CALN1: variants seen among roughly 807,000 people sequenced by gnomAD.
The protein encoded by CALN1 is calneuron 1.
Under a neutral mutation model 30.6 loss-of-function variants are expected in CALN1, and 17 were observed. That is an observed-to-expected ratio of 0.56 (90% CI 0.38 to 0.83). The LOEUF (loss-of-function observed/expected upper bound fraction) is 0.83, where lower values mean the gene tolerates loss of function less well. Ranked by LOEUF, CALN1 falls within the 40% of genes least tolerant of loss-of-function variation. CALN1 has a pLI of 0.00. For missense variants in CALN1, 291 were observed against 354.9 expected (o/e 0.82, Z 1.45); for synonymous variants, 156 against 131.4 (o/e 1.19, Z -1.28).
intron 5 of CALN1, among the ~76,000 whole-genome samples, chr7:71,897,824 CAG>C (rs1453615148): frequency 6.6e-6 from 1 of 150,950 alleles, no homozygotes; most frequent in Non-Finnish European, 1.5e-5. Flanking sequence ...CAGCAGAGAA[CAG>C]AAACAGACTT....
intron 3 of CALN1, among the ~76,000 whole-genome samples, chr7:72,179,937 T>C (rs531785353): frequency 6.6e-6 from 1 of 152,350 alleles, no homozygotes; most frequent in East Asian, 1.9e-4. Context: ...ATATCTCATC[T>C]GATAGTCATC....
intron 3 of CALN1, among the ~76,000 whole-genome samples, chr7:72,158,543 T>TGG (rs2129544673): frequency 6.6e-6 from 1 of 152,292 alleles, no homozygotes; most frequent in Non-Finnish European, 1.5e-5. Flanking sequence ...AGCTACAGTG[T>TGG]GGAGAAGTGA....
chr7:72,059,730 T>C (rs1017701845), intron 4 of CALN1, among the ~76,000 whole-genome samples: 11 of 152,136 alleles, frequency 7.2e-5, no homozygotes, highest in Non-Finnish European at 5.9e-5. Flanking sequence ...CCAGTCCTCC[T>C]GTAATTTCCC....
chr7:72,113,254 T>G (rs1807704427), intron 3 of CALN1, among the ~76,000 whole-genome samples: 1 of 152,136 alleles, frequency 6.6e-6, no homozygotes, highest in African/African-American at 2.4e-5. Flanking sequence ...AATTAGTTCC[T>G]GCAAGAGTTG....
intron 5 of CALN1, among the ~76,000 whole-genome samples, chr7:72,019,002 A>T (rs1217466355): frequency 3.9e-5 from 5 of 129,022 alleles, no homozygotes; most frequent in Non-Finnish European, 7.6e-5. Context: ...ATATCCAGCT[A>T]ATTTTTTTTT....
At chr7:72,363,634 TG>T (rs1454463298) in intron 2 of CALN1, among the ~76,000 whole-genome samples, 2 of 151,726 alleles carry the variant, frequency 1.3e-5, no homozygotes, top group African/African-American at 2.4e-5. Context: ...ATGTTGAAAG[TG>T]AAAGTACTGA....
chr7:72,197,178 C>CTT (rs386410439), intron 3 of CALN1, among the ~76,000 whole-genome samples: 2,436 of 64,290 alleles, frequency 0.038, 386 homozygotes, highest in Middle Eastern at 0.08. Flanking sequence ...GGAAGGTTTG[C>CTT]TTTTTTTTTT....
chr7:71,970,737 G>A (rs1391666936), intron 5 of CALN1, among the ~76,000 whole-genome samples: 4 of 152,162 alleles, frequency 2.6e-5, no homozygotes, highest in African/African-American at 9.7e-5. Flanking sequence ...TCAATAAGGA[G>A]CAGAGAAGGG....
chr7:72,017,672 G>T (rs565981227), intron 5 of CALN1, among the ~76,000 whole-genome samples: 1 of 152,204 alleles, frequency 6.6e-6, no homozygotes, highest in South Asian at 2.1e-4. Flanking sequence ...ATTCCAACAC[G>T]ACCAGCACCA....
intron 3 of CALN1, among the ~76,000 whole-genome samples, chr7:72,210,607 G>C (rs1038813648): frequency 2.0e-4 from 31 of 152,206 alleles, no homozygotes; most frequent in Admixed American, 1.4e-3. Flanking sequence ...GTAGGAAAAA[G>C]ACTGAACTCA....
chr7:72,148,592 T>C (rs1019203172), intron 3 of CALN1, among the ~76,000 whole-genome samples: 1 of 151,446 alleles, frequency 6.6e-6, no homozygotes, highest in Non-Finnish European at 1.5e-5. Flanking sequence ...GGTGACAATG[T>C]GAGGACCTGT....
At chr7:72,186,253 C>G (rs1264793716) in intron 3 of CALN1, among the ~76,000 whole-genome samples, 1 of 152,016 alleles carries the variant, frequency 6.6e-6, no homozygotes, top group South Asian at 2.1e-4. Context: ...TTATTTTAAG[C>G]CGCTCAAATG....
intron 4 of CALN1, among the ~76,000 whole-genome samples, chr7:72,050,875 C>T (rs1003940391): frequency 1.3e-5 from 2 of 151,884 alleles, no homozygotes; most frequent in Admixed American, 6.6e-5. Flanking sequence ...TGGTATAATC[C>T]CAGCTACTTG....
At chr7:72,004,526 C>T (rs577816344) in intron 5 of CALN1, among the ~76,000 whole-genome samples, 1 of 152,088 alleles carries the variant, frequency 6.6e-6, no homozygotes, top group Admixed American at 6.6e-5. Flanking sequence ...TGGGAAAAAT[C>T]GAAAAGCTAG....
the CALN1 span, among the ~76,000 whole-genome samples, chr7:72,484,130 CA>C: frequency 3.1e-3 from 468 of 152,234 alleles, 5 homozygotes; most frequent in African/African-American, 0.011. Flanking sequence ...GTGGTTTTCA[CA>C]ATTGATTTTT....
chr7:72,338,052 TAC>T (rs1017565640), intron 2 of CALN1, among the ~76,000 whole-genome samples: 2 of 152,148 alleles, frequency 1.3e-5, no homozygotes, highest in Admixed American at 1.3e-4. Flanking sequence ...ACTGACGGAA[TAC>T]ACAGTGCAAC....
At position 72,194,592 on chromosome 7, in the gene CALN1, C is replaced by CTTTT. The variant is rs1181135798; in HGVS notation, c.244+84090_244+84093dup. Among the ~76,000 whole-genome samples, 585 of 115,662 alleles carry CTTTT rather than the reference C, an allele frequency of 5.1e-3. 14 individuals are homozygous for CTTTT. The highest frequency in any genetic ancestry group is 0.018 in the African/African-American group (551 of 30,576). 75.9% of individuals were successfully genotyped at this position (115,662 alleles called of 152,430 possible). A position where few individuals can be genotyped will look rare whatever the true frequency, so the allele number is the denominator to read the frequency against. On this transcript the variant is annotated intron_variant, in intron 3 of 6. Transcript: ENST00000395275. The stretch of plus-strand genomic sequence containing the variant: ...CAGAAGGGGATCTCCTAACTGGCCT[C>CTTTT]TTTTTTTTTTTTTTTTTTTTGACAG...
At chr7:72,403,097 C>G (rs1464868338) in intron 2 of CALN1, 154 bp downstream of exon 2, 1 of 574,356 alleles carries the variant, frequency 1.7e-6, no homozygotes, top group Non-Finnish European at 3.1e-6. Context: ...ATCTCTGTAC[C>G]CAGCCAGGAC....
intron 5 of CALN1, among the ~76,000 whole-genome samples, chr7:71,957,614 T>G (rs1797026026): frequency 1.3e-5 from 2 of 152,142 alleles, no homozygotes; most frequent in Admixed American, 6.5e-5. Flanking sequence ...CTCAGACAGA[T>G]TAATGCAATT....
Sources: allele counts gnomAD v4.1 joint callset (sites outside exome capture counted in the v4.1 genomes callset), GRCh38; gene constraint gnomAD v4.1.1; transcripts MANE v1.5; gene names NCBI Gene and HGNC (gene_info 2026-07-23, HGNC 2026-07-21).